The following ZNF423 variants were observed in gnomAD, a reference collection of about 807,000 sequenced individuals.
ZNF423 encodes the protein zinc finger protein 423.
In ZNF423, 12 loss-of-function variants were observed where a neutral mutation model predicts 95.8. The ratio of observed to expected loss-of-function variants is 0.13; its 90% CI spans 0.08 to 0.20. The LOEUF is 0.20. Among genes scored for constraint, ZNF423 ranks in the 10% least tolerant of loss-of-function variants. The pLI is 1.00. For missense variants in ZNF423, 1,316 were observed against 1,737.1 expected (o/e 0.76, Z 4.31); for synonymous variants, 749 against 711.9 (o/e 1.05, Z -0.83).
At chr16:49,518,065 C>T (rs2151695339) in intron 7 of ZNF423, 2 of 451,606 alleles carry the variant, frequency 4.4e-6, no homozygotes, top group South Asian at 3.1e-5. Flanking sequence ...TCTGGAGGAG[C>T]ATAACCAGGA....
chr16:49,657,637 G>A (rs1188925278), intron 3 of ZNF423, among the ~76,000 whole-genome samples: 4 of 152,200 alleles, frequency 2.6e-5, no homozygotes, highest in East Asian at 3.9e-4. Flanking sequence ...CTGCAGACAC[G>A]AAGGTTTTGG....
intron 5 of ZNF423, among the ~76,000 whole-genome samples, chr16:49,554,745 A>G (rs903364051): frequency 1.3e-5 from 2 of 152,010 alleles, no homozygotes; most frequent in African/African-American, 4.8e-5. Flanking sequence ...GGAAATTTGC[A>G]AAATACAAAA....
At chr16:49,509,037 C>T (rs1967771003) in intron 7 of ZNF423, among the ~76,000 whole-genome samples, 1 of 152,198 alleles carries the variant, frequency 6.6e-6, no homozygotes, top group African/African-American at 2.4e-5. Context: ...GAGCTCCTAC[C>T]ATGTGTCAGA....
At chr16:49,678,774 T>A (rs1163348820) in intron 3 of ZNF423, among the ~76,000 whole-genome samples, 1 of 152,262 alleles carries the variant, frequency 6.6e-6, no homozygotes, top group Non-Finnish European at 1.5e-5. Context: ...GTAGGTTAGC[T>A]GTTGTGCCCT....
intron 3 of ZNF423, among the ~76,000 whole-genome samples, chr16:49,722,378 G>A (rs1156788288): frequency 6.6e-6 from 1 of 152,190 alleles, no homozygotes; most frequent in African/African-American, 2.4e-5. Flanking sequence ...GGACACTAGA[G>A]AAGGAGGCTG....
rs141996639 is a variant in ZNF423, at chr16:49,635,808, C to G, written c.3368G>C (p.Arg1123Pro). The G allele has an allele frequency of 3.1e-6, 5 of 1,610,720 alleles. No individual in the cohort carries two copies. The highest frequency in any genetic ancestry group is 3.4e-5 in the Admixed American group (2 of 59,608). Residue 1123 changes from arginine to proline, a missense_variant, in exon 4 of 8, where the codon CGG becomes CCG. Around this residue, in one of 6 missense-constraint regions of ZNF423, gnomAD observed 620 missense variants for 775.6 expected, o/e 0.80. Coordinates refer to ENST00000563137, the MANE Select transcript of ZNF423 (RefSeq NM_001379286.1). The surrounding 1 kb of genome is among the most constrained non-coding windows in gnomAD (Gnocchi z 4.8). ...GGGGCAACGGAGGCCGGCACAGGGC[C>G]GGTCGGCGGGCTCGGGCGGGGCCAG... ...GGLAPPEPAD[R>P]PCAGLRCPEC...
intron 3 of ZNF423, among the ~76,000 whole-genome samples, chr16:49,672,488 TC>T (rs909736219): frequency 3.3e-5 from 5 of 152,112 alleles, no homozygotes; most frequent in African/African-American, 1.2e-4. Context: ...CCCCAGGGTG[TC>T]CCATAGTTGA....
At chr16:49,664,939 T>C (rs1374700443) in intron 3 of ZNF423, among the ~76,000 whole-genome samples, 4 of 152,228 alleles carry the variant, frequency 2.6e-5, no homozygotes, top group Non-Finnish European at 5.9e-5. Flanking sequence ...CACATTGTAC[T>C]CCCAAGGCCT....
chr16:49,721,708 A>G (rs932437360), intron 3 of ZNF423, among the ~76,000 whole-genome samples: 8 of 152,160 alleles, frequency 5.3e-5, no homozygotes, highest in Admixed American at 2.6e-4. Context: ...AAGAAGCTCA[A>G]TTATTCAGAA....
chr16:49,673,003 C>T (rs1035094993), intron 3 of ZNF423, among the ~76,000 whole-genome samples: 12 of 152,186 alleles, frequency 7.9e-5, no homozygotes, highest in African/African-American at 2.9e-4. Context: ...ATTCCCACAC[C>T]TGCCCAGAGC....
At chr16:49,691,560 G>A (rs931092854) in intron 3 of ZNF423, among the ~76,000 whole-genome samples, 26 of 152,142 alleles carry the variant, frequency 1.7e-4, no homozygotes, top group Admixed American at 1.5e-3. Flanking sequence ...GTGAAACCCC[G>A]TCTCTACTAA....
At chr16:49,524,937 G>A (rs1968543923) in intron 6 of ZNF423, among the ~76,000 whole-genome samples, 1 of 152,224 alleles carries the variant, frequency 6.6e-6, no homozygotes, top group Non-Finnish European at 1.5e-5. Context: ...GCATGGATGG[G>A]AGCTAGGTAG....
At chr16:49,621,147 G>A (rs931250762) in intron 5 of ZNF423, among the ~76,000 whole-genome samples, 1 of 152,180 alleles carries the variant, frequency 6.6e-6, no homozygotes, top group Non-Finnish European at 1.5e-5. Context: ...TGGGGAAAGG[G>A]CGACTGGGCA....
intron 3 of ZNF423, among the ~76,000 whole-genome samples, chr16:49,660,397 AAT>A: frequency 6.6e-6 from 1 of 152,148 alleles, no homozygotes; most frequent in Non-Finnish European, 1.5e-5. Context: ...CGAATGAATG[AAT>A]GAATGAATGA....
At chr16:49,582,517 A>G (rs369244830) in intron 5 of ZNF423, among the ~76,000 whole-genome samples, 3 of 152,276 alleles carry the variant, frequency 2.0e-5, no homozygotes, top group African/African-American at 7.2e-5. Flanking sequence ...GTTGAAATAG[A>G]AAGAAGTCCA....
intron 5 of ZNF423, among the ~76,000 whole-genome samples, chr16:49,530,250 C>A (rs1233297529): frequency 6.6e-6 from 1 of 152,090 alleles, no homozygotes; most frequent in Non-Finnish European, 1.5e-5. Flanking sequence ...GACCATCCCA[C>A]ACTCCTTCCC....
At chr16:49,535,721 A>G (rs1332778067) in intron 5 of ZNF423, among the ~76,000 whole-genome samples, 1 of 152,170 alleles carries the variant, frequency 6.6e-6, no homozygotes, top group Non-Finnish European at 1.5e-5. Flanking sequence ...TAAAGAACTG[A>G]AGGCTGATCA....
intron 3 of ZNF423, among the ~76,000 whole-genome samples, chr16:49,685,453 G>A (rs953949511): frequency 2.0e-5 from 3 of 152,134 alleles, no homozygotes; most frequent in African/African-American, 7.2e-5. Context: ...GTCCCTACCA[G>A]CTTTGTCCCC....
At chr16:49,652,499 G>A (rs74016907) in intron 3 of ZNF423, among the ~76,000 whole-genome samples, 7,978 of 152,212 alleles carry the variant, frequency 0.052, 293 homozygotes, top group African/African-American at 0.096. Context: ...GGCACGAGGA[G>A]CTCAGGAGCT....
Sources: gnomAD v4.1 joint callset for allele counts (sites outside exome capture counted in the v4.1 genomes callset) on GRCh38, gnomAD v4.1.1 for gene constraint, gnomAD v4.1.1 regional missense constraint, Gnocchi (gnomAD v3.1) non-coding constraint, MANE v1.5 for transcripts, NCBI Gene and HGNC (gene_info 2026-07-23, HGNC 2026-07-21) for gene names.